Variants in C16orf74 observed in about 807,000 individuals in gnomAD.
C16orf74 encodes uncharacterized protein C16orf74.
C16orf74 carries 10 observed loss-of-function variants against 6.5 expected under a neutral mutation model. The ratio of observed to expected loss-of-function variants is 1.54; its 90% CI spans 0.95 to 2.61. C16orf74 has a LOEUF of 2.61. Among genes scored for constraint, C16orf74 ranks in the 30% most tolerant of loss-of-function variants. C16orf74 has a pLI of 0.00. For synonymous variants in C16orf74, 60 were observed against 42.5 expected (o/e 1.41, Z -1.60); for missense variants, 141 against 105.9 (o/e 1.33, Z -1.45).
intron 2 of C16orf74, among the ~76,000 whole-genome samples, chr16:85,716,771 T>C (rs1184391227): frequency 2.0e-5 from 3 of 151,782 alleles, no homozygotes; most frequent in Admixed American, 1.3e-4. Context: ...CCCCAGGGCC[T>C]GCCAAGCCTC....
chr16:85,708,902 T>C (rs2053939345), intron 3 of C16orf74, among the ~76,000 whole-genome samples: 1 of 152,184 alleles, frequency 6.6e-6, no homozygotes, highest in Non-Finnish European at 1.5e-5. Context: ...GCGAGACCCA[T>C]GTCATGATGG....
At chr16:85,708,894 G>A (rs1223538266) in intron 3 of C16orf74, among the ~76,000 whole-genome samples, 1 of 152,240 alleles carries the variant, frequency 6.6e-6, no homozygotes. Context: ...TGGGCCCAGC[G>A]AGACCCATGT....
At chr16:85,726,069 C>A (rs2054129909) in intron 2 of C16orf74, among the ~76,000 whole-genome samples, 1 of 152,310 alleles carries the variant, frequency 6.6e-6, no homozygotes, top group East Asian at 1.9e-4. Context: ...CTGCCTGGAA[C>A]ACTGTTCCCT....
At chr16:85,748,988 TC>T (rs1465200932) in intron 1 of C16orf74, among the ~76,000 whole-genome samples, 9 of 150,516 alleles carry the variant, frequency 6.0e-5, no homozygotes, top group Non-Finnish European at 8.9e-5. Context: ...ACTATGTTGC[TC>T]AGGTTGGTCT....
intron 2 of C16orf74, among the ~76,000 whole-genome samples, chr16:85,711,072 C>T (rs571010536): frequency 7.2e-4 from 109 of 151,764 alleles, no homozygotes; most frequent in Admixed American, 6.6e-5. Context: ...CCAGCACTTT[C>T]GGAGGCCAAG....
chr16:85,731,417 C>T (rs2054186167), intron 2 of C16orf74, among the ~76,000 whole-genome samples: 1 of 152,184 alleles, frequency 6.6e-6, no homozygotes, highest in African/African-American at 2.4e-5. Flanking sequence ...CCAGGGAGGC[C>T]TGGAGCTGGG....
intron 1 of C16orf74, among the ~76,000 whole-genome samples, chr16:85,748,749 G>A (rs1431752392): frequency 6.6e-6 from 1 of 152,126 alleles, no homozygotes; most frequent in Non-Finnish European, 1.5e-5. Context: ...CTATTAGTCT[G>A]AAGGTCTGCA....
intron 1 of C16orf74, among the ~76,000 whole-genome samples, chr16:85,746,306 C>T (rs59209071): frequency 1.3e-3 from 193 of 152,256 alleles, no homozygotes; most frequent in African/African-American, 4.4e-3. Context: ...GTGGAGATCG[C>T]GCCACTGCAC....
At chr16:85,733,412 T>C (rs1453044983) in intron 2 of C16orf74, among the ~76,000 whole-genome samples, 1 of 152,116 alleles carries the variant, frequency 6.6e-6, no homozygotes, top group Non-Finnish European at 1.5e-5. Context: ...GGGGAGTTAG[T>C]GTTTAACGGG....
chr16:85,740,856 T>C lies in C16orf74; in HGVS notation c.-18-5621A>G, dbSNP rs1264211128. On this transcript the variant is annotated intron_variant, in intron 1 of 3. Transcript: ENST00000284245. ...AAAAAAAAAAAAAAAAGAAAGAAAA[T>C]ATACACTGACGTGTCTGGGCTCAAG... Among the ~76,000 whole-genome samples, 2 of 69,990 alleles carry C rather than the reference T, an allele frequency of 2.9e-5. 1 individual carries two copies. Among genetic ancestry groups the C allele is most frequent in the Non-Finnish European group, 6.2e-5 (2 of 32,500 alleles). 45.9% of individuals were successfully genotyped at this position (69,990 alleles called of 152,430 possible). A position where few individuals can be genotyped will look rare whatever the true frequency, so the allele number is the denominator to read the frequency against.
Position 85,708,077 on chromosome 16 carries a change from G to C in C16orf74, c.173-11C>G. Reference sequence around the variant, plus strand: ...TCTCATCCAGCCAGACTAGGAGAAAGAGGGGATGGACACCTGGATGCACCC... The same window carrying C: ...TCTCATCCAGCCAGACTAGGAGAAACAGGGGATGGACACCTGGATGCACCC... On this transcript the variant is annotated splice_polypyrimidine_tract_variant and intron_variant, in intron 3 of 3. Coordinates refer to ENST00000284245, the MANE Select transcript of C16orf74 (RefSeq NM_206967.3). 2 of 1,552,360 alleles carry C rather than the reference G, an allele frequency of 1.3e-6. No individual in the cohort carries two copies. The highest frequency in any genetic ancestry group is 2.4e-5 in the East Asian group (1 of 41,002).
intron 1 of C16orf74, among the ~76,000 whole-genome samples, chr16:85,740,947 G>C (rs73257227): frequency 6.6e-6 from 1 of 151,772 alleles, no homozygotes; most frequent in African/African-American, 2.4e-5. Flanking sequence ...GCATGAATAC[G>C]TGCAGGGAGA....
chr16:85,745,334 G>GC (rs981623338), intron 1 of C16orf74, among the ~76,000 whole-genome samples: 5 of 152,040 alleles, frequency 3.3e-5, no homozygotes, highest in African/African-American at 1.2e-4. Context: ...AAGGCCAAGA[G>GC]CATCTCCAGG....
chr16:85,716,694 G>A (rs1407257031), intron 2 of C16orf74, among the ~76,000 whole-genome samples: 2 of 148,530 alleles, frequency 1.3e-5, no homozygotes, highest in East Asian at 2.0e-4. Flanking sequence ...AAGGCGAGAG[G>A]GAGGAGGAAG....
chr16:85,731,481 G>A (rs1001810732), intron 2 of C16orf74, among the ~76,000 whole-genome samples: 2 of 152,156 alleles, frequency 1.3e-5, no homozygotes, highest in Non-Finnish European at 2.9e-5. Flanking sequence ...GAGTCCCTGG[G>A]CCAGGCTGCG....
chr16:85,716,761 C>A (rs1172580639), intron 2 of C16orf74, among the ~76,000 whole-genome samples: 2 of 151,906 alleles, frequency 1.3e-5, no homozygotes, highest in African/African-American at 2.4e-5. Flanking sequence ...CCTCTCACAT[C>A]CCCAGGGCCT....
At chr16:85,709,881 G>C (rs113997296) in intron 3 of C16orf74, among the ~76,000 whole-genome samples, 5 of 151,370 alleles carry the variant, frequency 3.3e-5, no homozygotes, top group Admixed American at 6.6e-5. Flanking sequence ...TTGGCTGGCC[G>C]GAGCCGCGGC....
intron 2 of C16orf74, among the ~76,000 whole-genome samples, chr16:85,711,112 A>G (rs377473): frequency 0.96 from 146,491 of 152,014 alleles, 70,805 homozygotes; most frequent in East Asian, 1. Flanking sequence ...TCAGGAGTTC[A>G]AGACCAGCCT....
chr16:85,733,159 A>T (rs898835625), intron 2 of C16orf74, among the ~76,000 whole-genome samples: 5 of 152,356 alleles, frequency 3.3e-5, no homozygotes, highest in Middle Eastern at 3.4e-3. Flanking sequence ...CCCAGTGTCC[A>T]TCGTTGGAGA....
Sources: allele counts gnomAD v4.1 joint callset (sites outside exome capture counted in the v4.1 genomes callset), GRCh38; gene constraint gnomAD v4.1.1; transcripts MANE v1.5; gene names NCBI Gene and HGNC (gene_info 2026-07-23, HGNC 2026-07-21).